Variants in KCNH1 observed in about 807,000 individuals in gnomAD.
KCNH1 encodes voltage-gated delayed rectifier potassium channel KCNH1.
In KCNH1, 27 loss-of-function variants were observed where a neutral mutation model predicts 69.2. The observed-to-expected ratio is 0.39, with a 90% confidence interval of 0.29 to 0.54. The LOEUF (loss-of-function observed/expected upper bound fraction) is 0.54, where lower values mean the gene tolerates loss of function less well. KCNH1 is among the 20% of genes least tolerant of loss of function. The probability of loss-of-function intolerance (pLI) is 0.68; values close to 1 mark genes in which losing one functional copy is unlikely to be tolerated. For synonymous variants in KCNH1, 456 were observed against 487.7 expected (o/e 0.93, Z 0.86); for missense variants, 798 against 1,261.6 (o/e 0.63, Z 5.57).
chr1:211,046,511 T>A (rs184292090), intron 5 of KCNH1, among the ~76,000 whole-genome samples: 1 of 152,298 alleles, frequency 6.6e-6, no homozygotes, highest in East Asian at 1.9e-4. Context: ...TATATTTAGT[T>A]CATTTCATTT....
chr1:211,048,124 A>G (rs1369002290), intron 5 of KCNH1, among the ~76,000 whole-genome samples: 2 of 152,228 alleles, frequency 1.3e-5, no homozygotes, highest in Non-Finnish European at 2.9e-5. Flanking sequence ...AATCAAAACC[A>G]CAATGCGATA....
intron 7 of KCNH1, among the ~76,000 whole-genome samples, chr1:210,846,423 C>T (rs1273985743): frequency 6.6e-6 from 1 of 152,030 alleles, no homozygotes; most frequent in Non-Finnish European, 1.5e-5. Context: ...AGAAATAATG[C>T]CACATATCTA....
At position 211,114,372 on chromosome 1, in the gene KCNH1, T is replaced by C. The variant is rs569441771; in HGVS notation, c.80-6995A>G. On this transcript the variant is annotated intron_variant, in intron 1 of 10. Coordinates refer to ENST00000271751, the MANE Select transcript of KCNH1 (RefSeq NM_172362.3). ...TGGAAGAGCTCGAGATACCACTTTA[T>C]AGTCCCCTCAACCACATTCCCTTTG... 1.2e-3 allele frequency among the ~76,000 whole-genome samples: 182 copies of C among 152,282 alleles called. 1 individual carries two copies. Among genetic ancestry groups the C allele is most frequent in the Non-Finnish European group, 2.2e-3 (149 of 68,026 alleles).
intron 10 of KCNH1, among the ~76,000 whole-genome samples, chr1:210,757,441 C>T (rs1311772892): frequency 6.6e-6 from 1 of 152,182 alleles, no homozygotes; most frequent in Non-Finnish European, 1.5e-5. Context: ...ATTCCTATGG[C>T]CAGAAAAGGC....
At position 210,828,275 on chromosome 1, in the gene KCNH1, G is replaced by A. The variant is rs540113921; in HGVS notation, c.1463-24109C>T. Among the ~76,000 whole-genome samples, 5 of 152,220 alleles carry A rather than the reference G, an allele frequency of 3.3e-5. No homozygotes were observed. In the South Asian group the frequency reaches 1.0e-3, roughly 32 times the overall value. On this transcript the variant is annotated intron_variant, in intron 7 of 10. Transcript: ENST00000271751. ...TAGTAGCTACACTACTTTATCAAGG[G>A]TCCTTTACTAAGCTCCCACTAACAT...
intron 6 of KCNH1, among the ~76,000 whole-genome samples, chr1:211,017,657 G>C (rs991123939): frequency 5.9e-5 from 9 of 152,144 alleles, no homozygotes; most frequent in African/African-American, 2.2e-4. Flanking sequence ...CATCCTCACT[G>C]TTTCAAAGAA....
At chr1:210,969,208 G>T (rs567993544) in intron 6 of KCNH1, among the ~76,000 whole-genome samples, 37 of 152,084 alleles carry the variant, frequency 2.4e-4, no homozygotes, top group African/African-American at 8.9e-4. Flanking sequence ...CCTCATGAGT[G>T]AGGTTAACCT....
intron 5 of KCNH1, among the ~76,000 whole-genome samples, chr1:211,043,283 C>A (rs1410243179): frequency 1.3e-5 from 2 of 152,128 alleles, no homozygotes; most frequent in Non-Finnish European, 2.9e-5. Context: ...TTACAACTGA[C>A]ACCACTGAAA....
At position 210,919,843 on chromosome 1, in the gene KCNH1, T is replaced by C; in HGVS notation, c.1259A>G (p.Tyr420Cys). 6.2e-7 allele frequency: 1 copy of C among 1,614,180 alleles called. No homozygotes were observed. The highest frequency in any genetic ancestry group is 8.5e-7 in the Non-Finnish European group (1 of 1,180,014). ...GGTGCCAATGTCCATCGCTAGTTGG[T>C]ACAGCCAGCTGTTGTTGCGGATTGT... The part of the protein sequence containing the change: ...TKTIRNNSWL[Y>C]QLAMDIGTPY... Residue 420 changes from tyrosine (Y) to cysteine (C), a missense_variant, in exon 7 of 11, where the codon TAC becomes TGC. Tyr to Cys is a radical substitution (Grantham distance 194, BLOSUM62 -2). This residue lies in a region of KCNH1 where 197 missense variants were observed against 407.7 expected (regional missense o/e 0.48). Coordinates refer to ENST00000271751, the MANE Select transcript of KCNH1 (RefSeq NM_172362.3). The surrounding 1 kb of genome is among the most constrained non-coding windows in gnomAD (Gnocchi z 4.2).
chr1:210,756,800 G>A (rs550884603), intron 10 of KCNH1, among the ~76,000 whole-genome samples: 3 of 152,236 alleles, frequency 2.0e-5, no homozygotes, highest in Admixed American at 1.3e-4. Flanking sequence ...CCTGAAGGTT[G>A]GCCTACCCTG....
chr1:210,913,959 T>A lies in KCNH1; in HGVS notation c.1462+5681A>T, dbSNP rs138161599. On this transcript the variant is annotated intron_variant, in intron 7 of 10. Transcript: ENST00000271751. ...TAAGGAGTATGACCAGCTTTCCCCT[T>A]CCTTTTCTTTCTACTTTCTGGAATA... 8.4e-3 allele frequency among the ~76,000 whole-genome samples: 1,284 copies of A among 152,228 alleles called. 66 individuals carry two copies. Among genetic ancestry groups the A allele is most frequent in the Admixed American group, 0.077 (1,174 of 15,278 alleles).
chr1:210,712,020 G>A (rs754720441), intron 10 of KCNH1, among the ~76,000 whole-genome samples: 1 of 152,158 alleles, frequency 6.6e-6, no homozygotes, highest in African/African-American at 2.4e-5. Flanking sequence ...GCCACCAGGT[G>A]GAATCACAAC....
At chr1:211,084,583 G>A (rs553067233) in intron 4 of KCNH1, among the ~76,000 whole-genome samples, 2 of 152,332 alleles carry the variant, frequency 1.3e-5, no homozygotes, top group South Asian at 2.1e-4. Flanking sequence ...CTCTTTGCAA[G>A]AGTGGGCTCT....
At chr1:211,045,922 G>A (rs1168065161) in intron 5 of KCNH1, among the ~76,000 whole-genome samples, 1 of 152,116 alleles carries the variant, frequency 6.6e-6, no homozygotes, top group Non-Finnish European at 1.5e-5. Context: ...TAATACAAGA[G>A]CTATCATGCA....
intron 7 of KCNH1, among the ~76,000 whole-genome samples, chr1:210,827,429 G>A (rs1001696691): frequency 3.3e-5 from 5 of 152,128 alleles, no homozygotes; most frequent in African/African-American, 1.2e-4. Flanking sequence ...CACAGCAAAC[G>A]TTACCATGTA....
chr1:210,909,977 G>A (rs986807802), intron 7 of KCNH1, among the ~76,000 whole-genome samples: 4 of 152,320 alleles, frequency 2.6e-5, no homozygotes, highest in Non-Finnish European at 4.4e-5. Flanking sequence ...GAAGACTACA[G>A]GATTGAGATC....
intron 5 of KCNH1, among the ~76,000 whole-genome samples, chr1:211,063,025 C>T (rs1222958595): frequency 2.0e-5 from 3 of 152,194 alleles, no homozygotes; most frequent in Admixed American, 6.5e-5. Context: ...TATTACAGCA[C>T]TATTCGCAAT....
chr1:211,021,309 T>TA (rs904250156), intron 5 of KCNH1, among the ~76,000 whole-genome samples: 5 of 150,998 alleles, frequency 3.3e-5, no homozygotes, highest in East Asian at 3.9e-4. Context: ...CCTATGGAAA[T>TA]AAAAAAAAAT....
chr1:211,120,757 C>T (rs535168952), intron 1 of KCNH1, among the ~76,000 whole-genome samples: 68 of 152,180 alleles, frequency 4.5e-4, no homozygotes, highest in Non-Finnish European at 8.8e-4. Flanking sequence ...TGTTTGCAGA[C>T]GACATGATTT....
Sources: gnomAD v4.1 joint callset for allele counts (sites outside exome capture counted in the v4.1 genomes callset) on GRCh38, gnomAD v4.1.1 for gene constraint, gnomAD v4.1.1 regional missense constraint, Gnocchi (gnomAD v3.1) non-coding constraint, MANE v1.5 for transcripts, NCBI Gene and HGNC (gene_info 2026-07-23, HGNC 2026-07-21) for gene names.